Variants in UBE2E2 observed in about 807,000 individuals in gnomAD.
UBE2E2 encodes ubiquitin-conjugating enzyme E2 E2.
In UBE2E2, 6 loss-of-function variants were observed where a neutral mutation model predicts 24.7. The observed-to-expected ratio is 0.24, with a 90% confidence interval of 0.13 to 0.48. The LOEUF is 0.48. UBE2E2 is among the 20% of genes least tolerant of loss of function. The pLI is 0.99. For missense variants in UBE2E2, 169 were observed against 245.0 expected (o/e 0.69, Z 2.07); for synonymous variants, 104 against 83.6 (o/e 1.24, Z -1.33).
chr3:23,537,109 C>G (rs1189955151), intron 5 of UBE2E2, among the ~76,000 whole-genome samples: 1 of 152,178 alleles, frequency 6.6e-6, no homozygotes, highest in Non-Finnish European at 1.5e-5. Flanking sequence ...GTAAGTGGTA[C>G]GTGATTTGGC....
At chr3:23,495,256 G>A (rs913974884) in intron 3 of UBE2E2, among the ~76,000 whole-genome samples, 1 of 152,138 alleles carries the variant, frequency 6.6e-6, no homozygotes, top group Non-Finnish European at 1.5e-5. Context: ...AGTTCTGACT[G>A]AGAGCCAAAT....
chr3:23,513,838 A>G (rs1361683995), intron 4 of UBE2E2, among the ~76,000 whole-genome samples: 2 of 152,076 alleles, frequency 1.3e-5, no homozygotes, highest in Non-Finnish European at 2.9e-5. Context: ...ACTTTTTTTT[A>G]TTGAAAGTAA....
At chr3:23,210,636 T>C (rs1696296923) in intron 2 of UBE2E2, among the ~76,000 whole-genome samples, 2 of 152,180 alleles carry the variant, frequency 1.3e-5, no homozygotes, top group South Asian at 2.1e-4. Flanking sequence ...CTGCACTGTA[T>C]GTAGGAGATA....
intron 3 of UBE2E2, among the ~76,000 whole-genome samples, chr3:23,421,649 G>A (rs751161760): frequency 3.3e-5 from 5 of 152,102 alleles, no homozygotes; most frequent in Non-Finnish European, 5.9e-5. Context: ...CTCATGACCC[G>A]CCCACCTCGG....
At position 23,538,978 on chromosome 3, in the gene UBE2E2, A is replaced by G. The variant is rs572922391; in HGVS notation, c.508+6277A>G. ...TAGTTTGTAGCACTTTTACCAAAGA[A>G]TGATTTTCTAGGAAATACTGAATGA... On this transcript the variant is annotated intron_variant, in intron 5 of 5. Coordinates refer to ENST00000396703, the MANE Select transcript of UBE2E2 (RefSeq NM_152653.4). 4.1e-4 allele frequency among the ~76,000 whole-genome samples: 62 copies of G among 152,346 alleles called. 1 individual carries two copies. The highest frequency in any genetic ancestry group is 2.5e-3 in the Admixed American group (38 of 15,312).
chr3:23,481,022 A>G (rs886421890), intron 3 of UBE2E2, among the ~76,000 whole-genome samples: 4 of 152,250 alleles, frequency 2.6e-5, no homozygotes, highest in Non-Finnish European at 4.4e-5. Flanking sequence ...CAAAATTATT[A>G]GATACAACAT....
chr3:23,488,880 T>C (rs1363107712), intron 3 of UBE2E2, among the ~76,000 whole-genome samples: 1 of 152,210 alleles, frequency 6.6e-6, no homozygotes, highest in Non-Finnish European at 1.5e-5. Flanking sequence ...AGAGAGGCTA[T>C]TTCTGGAAGC....
At chr3:23,293,323 A>G (rs1446807840) in intron 3 of UBE2E2, among the ~76,000 whole-genome samples, 2 of 152,228 alleles carry the variant, frequency 1.3e-5, no homozygotes, top group Non-Finnish European at 2.9e-5. Flanking sequence ...CCATTACCCT[A>G]AAGGTCCTTT....
intron 3 of UBE2E2, among the ~76,000 whole-genome samples, chr3:23,350,936 A>C (rs1416971016): frequency 6.6e-6 from 1 of 152,198 alleles, no homozygotes; most frequent in Non-Finnish European, 1.5e-5. Context: ...CATAATTGTC[A>C]GATTCACCAA....
In UBE2E2 at chr3:23,415,933, C is replaced by T. The variant is rs1425882128; in HGVS notation, c.228-83675C>T. Among the ~76,000 whole-genome samples, 6 of 151,856 alleles carry T rather than the reference C, an allele frequency of 4.0e-5. No homozygotes were observed. In the South Asian group the frequency reaches 1.3e-3, roughly 32 times the overall value. On this transcript the variant is annotated intron_variant, in intron 3 of 5. Transcript: ENST00000396703. ...CGAGAGGCCCCAGTGTGTGATGTTC[C>T]CCTCCCTGTGTCCATGTGTTCTCAT... is the stretch of plus-strand genomic sequence containing the variant.
chr3:23,361,299 C>G (rs981899801), intron 3 of UBE2E2, among the ~76,000 whole-genome samples: 1 of 152,190 alleles, frequency 6.6e-6, no homozygotes, highest in Non-Finnish European at 1.5e-5. Context: ...AGTAGAACTA[C>G]TATTTGATCC....
At position 23,496,662 on chromosome 3, in the gene UBE2E2, T is replaced by C. The variant is rs538725470; in HGVS notation, c.228-2946T>C. ...TTGGGTGGATTTACCCATTTTTCTG[T>C]CAGTAGCCATTTGTGTTGTTTCCAA... On this transcript the variant is annotated intron_variant, in intron 3 of 5. Coordinates refer to ENST00000396703, the MANE Select transcript of UBE2E2 (RefSeq NM_152653.4). Among the ~76,000 whole-genome samples the C allele has an allele frequency of 3.9e-5, 6 of 152,346 alleles. No homozygotes were observed. The South Asian group carries it at 1.2e-3, about 32-fold the overall frequency.
intron 2 of UBE2E2, among the ~76,000 whole-genome samples, chr3:23,216,419 T>A (rs532950370): frequency 6.6e-6 from 1 of 152,304 alleles, no homozygotes; most frequent in South Asian, 2.1e-4. Context: ...TCACAGTAAT[T>A]ACCAGACAAC....
intron 3 of UBE2E2, among the ~76,000 whole-genome samples, chr3:23,300,620 C>G (rs1559339180): frequency 6.6e-6 from 1 of 152,206 alleles, no homozygotes; most frequent in African/African-American, 2.4e-5. Flanking sequence ...TCCCCACTGT[C>G]TTCTGGCTTG....
chr3:23,551,033 T>G (rs914883205), intron 5 of UBE2E2, among the ~76,000 whole-genome samples: 5 of 152,200 alleles, frequency 3.3e-5, no homozygotes, highest in Admixed American at 3.3e-4. Context: ...AAAGCAAGTT[T>G]TGAAAGTATC....
At chr3:23,396,623 G>T (rs1465677996) in intron 3 of UBE2E2, among the ~76,000 whole-genome samples, 1 of 152,026 alleles carries the variant, frequency 6.6e-6, no homozygotes, top group Non-Finnish European at 1.5e-5. Flanking sequence ...TCCCAAATCT[G>T]CCACTTTCAA....
chr3:23,281,881 T>C (rs1216437573), intron 3 of UBE2E2, among the ~76,000 whole-genome samples: 1 of 152,240 alleles, frequency 6.6e-6, no homozygotes, highest in Non-Finnish European at 1.5e-5. Flanking sequence ...GTAGGTTTAT[T>C]GTTTGTTTAT....
intron 4 of UBE2E2, among the ~76,000 whole-genome samples, chr3:23,520,914 A>G (rs1173970423): frequency 6.6e-6 from 1 of 152,054 alleles, no homozygotes; most frequent in Non-Finnish European, 1.5e-5. Context: ...AAGTGTTGGG[A>G]TTACAGGTGT....
chr3:23,581,351 G>A (rs1696473994), intron 5 of UBE2E2, among the ~76,000 whole-genome samples: 1 of 152,182 alleles, frequency 6.6e-6, no homozygotes, highest in African/African-American at 2.4e-5. Context: ...AGCATGAGGG[G>A]AGGAGGCTAG....
Sources: gnomAD v4.1 joint callset for allele counts (sites outside exome capture counted in the v4.1 genomes callset) on GRCh38, gnomAD v4.1.1 for gene constraint, MANE v1.5 for transcripts, NCBI Gene and HGNC (gene_info 2026-07-23, HGNC 2026-07-21) for gene names.